The following ZFHX4 variants were observed in gnomAD, a reference collection of about 807,000 sequenced individuals.
ZFHX4 encodes zinc finger homeobox 4, also known as zinc finger homeobox protein 4.
In ZFHX4, 56 loss-of-function variants were observed where a neutral mutation model predicts 267.6. The ratio of observed to expected loss-of-function variants is 0.21; its 90% CI spans 0.17 to 0.26. The LOEUF (loss-of-function observed/expected upper bound fraction) is 0.26, where lower values mean the gene tolerates loss of function less well. ZFHX4 is among the 10% of genes least tolerant of loss of function. ZFHX4 has a pLI of 1.00. For missense variants in ZFHX4, 4,332 were observed against 4,420.0 expected, an observed-to-expected ratio of 0.98 and a Z score of 0.56; for synonymous variants, 1,778 against 1,665.6, an observed-to-expected ratio of 1.07 and a Z score of -1.64.
At chr8:76,846,509 G>A (rs913609782) in intron 6 of ZFHX4, among the ~76,000 whole-genome samples, 2 of 151,968 alleles carry the variant, frequency 1.3e-5, no homozygotes, top group Admixed American at 6.6e-5. Context: ...TTGTTGCAAC[G>A]GCCATGTGAT....
At chr8:76,763,765 C>T (rs1042897946) in intron 3 of ZFHX4, among the ~76,000 whole-genome samples, 10 of 151,974 alleles carry the variant, frequency 6.6e-5, no homozygotes, top group Admixed American at 5.2e-4. Flanking sequence ...GTGCTATAGG[C>T]GTAGGAAATA....
At chr8:76,768,172 T>C (rs1165568073) in intron 3 of ZFHX4, among the ~76,000 whole-genome samples, 4 of 152,096 alleles carry the variant, frequency 2.6e-5, no homozygotes, top group African/African-American at 7.2e-5. Flanking sequence ...GTTATAGACA[T>C]TTAAAAAATG....
Position 76,855,376 on chromosome 8 carries a change from G to A in ZFHX4, c.8455G>A (p.Gly2819Arg). The change falls in exon 10 of 11, where the codon GGA (glycine) becomes AGA (arginine). Residue 2819 changes from glycine (G) to arginine (R), a missense_variant. Transcript: ENST00000651372. Reference sequence around the variant, plus strand: ...CAGTGACGCCACCACCGGAGACGAGGGAAACACTGAAATGGAAAGCACCAC... The same window carrying A: ...CAGTGACGCCACCACCGGAGACGAGAGAAACACTGAAATGGAAAGCACCAC... The part of the protein sequence containing the change: ...AISDATTGDE[G>R]NTEMESTTGS... The A allele has an allele frequency of 6.2e-7, 1 of 1,613,576 alleles. No homozygotes were observed. Among genetic ancestry groups the A allele is most frequent in the South Asian group, 1.1e-5 (1 of 91,040 alleles).
Position 76,852,816 on chromosome 8 carries a change from A to G in ZFHX4, c.5895A>G (p.Gln1965=). ...FSNVLILKSH[Q]EHVHGQFFPY... ...ATGTTCTTATTTTAAAGAGTCACCA[A>G]GAACATGTACATGGGCAATTTTTTC... The change falls in exon 10 of 11, where the codon CAA becomes CAG. Residue 1965 remains glutamine (Q), a synonymous_variant. Transcript: ENST00000651372. 1 of 1,613,852 alleles carries G rather than the reference A, an allele frequency of 6.2e-7. No homozygotes were observed. Among genetic ancestry groups the G allele is most frequent in the East Asian group, 2.2e-5 (1 of 44,874 alleles).
intron 1 of ZFHX4, among the ~76,000 whole-genome samples, chr8:76,688,957 A>G (rs1366198594): frequency 1.3e-5 from 2 of 152,136 alleles, no homozygotes; most frequent in Non-Finnish European, 2.9e-5. Flanking sequence ...AATCACAAGT[A>G]TTTTTACATA....
intron 1 of ZFHX4, among the ~76,000 whole-genome samples, chr8:76,694,023 T>A (rs1807890386): frequency 6.6e-6 from 1 of 152,214 alleles, no homozygotes; most frequent in African/African-American, 2.4e-5. Flanking sequence ...AATAGCACTT[T>A]ACCTCAAAGC....
rs527258327 is a variant in ZFHX4, at chr8:76,704,181, G to T, written c.93G>T (p.Val31=). 2 of 1,613,982 alleles carry T rather than the reference G, an allele frequency of 1.2e-6. No individual in the cohort carries two copies. The highest frequency in any genetic ancestry group is 2.7e-5 in the African/African-American group (2 of 75,034). ...GAACGACACAACTTGATAATGAGGT[G>T]CCAGAGAAAGTTGCAGGGATGGAGC... The part of the protein sequence containing the change: ...LCGTTQLDNE[V]PEKVAGMEPD... The change falls in exon 2 of 11, where the codon GTG becomes GTT. Residue 31 remains valine (V), a synonymous_variant. Coordinates refer to ENST00000651372, the MANE Select transcript of ZFHX4 (RefSeq NM_024721.5).
In ZFHX4 at chr8:76,704,777, A is replaced by G. The variant is rs1481170795; in HGVS notation, c.689A>G (p.Tyr230Cys). The G allele has an allele frequency of 1.9e-6, 3 of 1,614,050 alleles. No homozygotes were observed. Among genetic ancestry groups the G allele is most frequent in the Admixed American group, 1.7e-5 (1 of 60,026 alleles). The change falls in exon 2 of 11, where the codon TAT (tyrosine) becomes TGT (cysteine). Residue 230 changes from tyrosine to cysteine, a missense_variant. By Grantham distance (194) the Tyr-to-Cys change is radical (BLOSUM62 -2). Coordinates refer to ENST00000651372, the MANE Select transcript of ZFHX4 (RefSeq NM_024721.5). Reference sequence around the variant, plus strand: ...CCTGTGTTGCACAGTTTCCGTGTCTATGATCTCCGACACAAGAGAGAGAAA... The same window carrying G: ...CCTGTGTTGCACAGTTTCCGTGTCTGTGATCTCCGACACAAGAGAGAGAAA... The part of the protein sequence containing the change: ...VGPVLHSFRV[Y>C]DLRHKREKDY...
Position 76,856,406 on chromosome 8 carries a change from A to G in ZFHX4, c.9379+106A>G, listed in dbSNP as rs575581365. The G allele has an allele frequency of 6.2e-4, 779 of 1,263,042 alleles. 4 individuals carry two copies. The highest frequency in any genetic ancestry group is 2.6e-3 in the South Asian group (207 of 78,210). 78.2% of individuals were successfully genotyped at this position (1,263,042 alleles called of 1,614,324 possible). The stretch of plus-strand genomic sequence containing the variant: ...CTTTGGATTTCTTTTAATTTCAGCT[A>G]GTGAAATCAATACATTATTTAAAGT... On this transcript the variant is annotated intron_variant, in intron 10 of 10. Transcript: ENST00000651372.
chr8:76,859,968 T>C (rs894685444), intron 10 of ZFHX4, among the ~76,000 whole-genome samples: 4 of 152,118 alleles, frequency 2.6e-5, no homozygotes, highest in African/African-American at 9.7e-5. Context: ...TACAGAAACA[T>C]TTTTAATTCT....
rs183317459 is a variant in ZFHX4, at chr8:76,689,365, G to A, written c.-47+7745G>A. Among the ~76,000 whole-genome samples the A allele has an allele frequency of 2.8e-3, 432 of 152,234 alleles. 1 individual carries two copies. Among genetic ancestry groups the A allele is most frequent in the Admixed American group, 5.5e-3 (84 of 15,284 alleles). ...GCTTATGTGATGTCTGCATTCTTAG[G>A]AAATGGGCAAAAGCCCAGGGTATTC... On this transcript the variant is annotated intron_variant, in intron 1 of 10. Coordinates refer to ENST00000651372, the MANE Select transcript of ZFHX4 (RefSeq NM_024721.5).
chr8:76,816,698 C>A (rs914540101), intron 4 of ZFHX4, among the ~76,000 whole-genome samples: 11 of 149,938 alleles, frequency 7.3e-5, no homozygotes, highest in Middle Eastern at 7.0e-3. Context: ...TGGGTTCAAG[C>A]AATTCTCCTG....
chr8:76,826,925 G>A (rs766281615), intron 4 of ZFHX4, among the ~76,000 whole-genome samples: 4 of 152,244 alleles, frequency 2.6e-5, no homozygotes, highest in African/African-American at 7.2e-5. Flanking sequence ...ACTAGCCAGT[G>A]CTCAGCACAA....
rs907116546 is a variant in ZFHX4, at chr8:76,681,609, G to A, written c.-58G>A. On this transcript the variant is annotated 5_prime_UTR_variant, in exon 1 of 11. Transcript: ENST00000651372. Reference sequence around the variant, plus strand: ...GGCGAAGATCGAGTAGGAACTGCAGGGGAAATGGAAAGTAAGTTTTTTCTT... The same window carrying A: ...GGCGAAGATCGAGTAGGAACTGCAGAGGAAATGGAAAGTAAGTTTTTTCTT... 2.5e-6 allele frequency: 1 copy of A among 397,232 alleles called. No homozygotes were observed. Among genetic ancestry groups the A allele is most frequent in the East Asian group, 3.6e-5 (1 of 27,980 alleles). The allele number at this position is 397,232 out of a possible 1,614,324, so 24.6% of individuals were successfully genotyped here.
chr8:76,792,032 G>A (rs1459730191), intron 4 of ZFHX4, among the ~76,000 whole-genome samples: 1 of 151,950 alleles, frequency 6.6e-6, no homozygotes, highest in Non-Finnish European at 1.5e-5. Context: ...TGAGGACTTG[G>A]TTACAAAGGT....
chr8:76,776,558 A>G (rs1427716696), intron 3 of ZFHX4, among the ~76,000 whole-genome samples: 1 of 152,214 alleles, frequency 6.6e-6, no homozygotes, highest in Non-Finnish European at 1.5e-5. Flanking sequence ...TACTAAGGAA[A>G]GAAAAGCTTA....
At chr8:76,788,583 GAGTTAGTT>G (rs1307150082) in intron 4 of ZFHX4, among the ~76,000 whole-genome samples, 1 of 152,190 alleles carries the variant, frequency 6.6e-6, no homozygotes, top group Non-Finnish European at 1.5e-5. Flanking sequence ...AATCGTTTCT[GAGTTAGTT>G]CTGGTCAAAT....
chr8:76,805,224 A>G (rs1811215602), intron 4 of ZFHX4, among the ~76,000 whole-genome samples: 1 of 152,080 alleles, frequency 6.6e-6, no homozygotes, highest in Admixed American at 6.6e-5. Flanking sequence ...CATTTTGTAC[A>G]GTTAATCAAA....
At chr8:76,862,513 T>C (rs1331849022) in intron 10 of ZFHX4, among the ~76,000 whole-genome samples, 1 of 152,230 alleles carries the variant, frequency 6.6e-6, no homozygotes, top group Non-Finnish European at 1.5e-5. Flanking sequence ...TGTTTGTTTT[T>C]TGGTGTCTTC....
Sources: gnomAD v4.1 joint callset for allele counts (sites outside exome capture counted in the v4.1 genomes callset) on GRCh38, gnomAD v4.1.1 for gene constraint, MANE v1.5 for transcripts, NCBI Gene and HGNC (gene_info 2026-07-23, HGNC 2026-07-21) for gene names.